SLC35F1: variants seen among roughly 807,000 people sequenced by gnomAD.
SLC35F1 encodes the protein chromosome 6 open reading frame 169.
SLC35F1 carries 14 observed loss-of-function variants against 48.7 expected under a neutral mutation model. The observed-to-expected ratio is 0.29, with a 90% CI of 0.19 to 0.45. The LOEUF (loss-of-function observed/expected upper bound fraction) is 0.45. Among genes scored for constraint, SLC35F1 ranks in the 20% least tolerant of loss-of-function variants. SLC35F1 has a pLI of 1.00. For synonymous variants in SLC35F1, 190 were observed against 202.2 expected, an observed-to-expected ratio of 0.94 and a Z score of 0.51; for missense variants, 404 against 500.0, an observed-to-expected ratio of 0.81 and a Z score of 1.83.
At chr6:118,268,674 A>C (rs1479032041) in intron 4 of SLC35F1, among the ~76,000 whole-genome samples, 1 of 135,550 alleles carries the variant, frequency 7.4e-6, no homozygotes. Flanking sequence ...CAGTGGCGTA[A>C]TTTCAGCTCA....
At chr6:118,187,622 C>T (rs1369417705) in intron 2 of SLC35F1, among the ~76,000 whole-genome samples, 1 of 152,164 alleles carries the variant, frequency 6.6e-6, no homozygotes, top group Non-Finnish European at 1.5e-5. Context: ...GATGAAATGA[C>T]TTTCTGAGAG....
At chr6:117,999,265 C>G in intron 1 of SLC35F1, 1 of 1,595,852 alleles carries the variant, frequency 6.3e-7, no homozygotes, top group Non-Finnish European at 8.5e-7. Context: ...ATCGACATGC[C>G]TACGTTGCCC....
At chr6:118,280,441 T>C (rs1407681188) in intron 6 of SLC35F1, among the ~76,000 whole-genome samples, 1 of 152,156 alleles carries the variant, frequency 6.6e-6, no homozygotes, top group African/African-American at 2.4e-5. Context: ...CCTTCTTCAC[T>C]TTTGATGTTG....
chr6:118,227,384 C>T (rs1488191970), intron 2 of SLC35F1, among the ~76,000 whole-genome samples: 1 of 152,172 alleles, frequency 6.6e-6, no homozygotes, highest in Non-Finnish European at 1.5e-5. Flanking sequence ...TAAATATGTA[C>T]TTAGTTTAAA....
chr6:118,293,342 T>A lies in SLC35F1; in HGVS notation c.1002+8004T>A, dbSNP rs189830522. Reference sequence around the variant, plus strand: ...CCATTTCCTTACCGTTTCCAGCTTCTAGAGGCCACCTGTATTTCTTGGCTC... The same window carrying A: ...CCATTTCCTTACCGTTTCCAGCTTCAAGAGGCCACCTGTATTTCTTGGCTC... On this transcript the variant is annotated intron_variant, in intron 7 of 7. Coordinates refer to ENST00000360388, the MANE Select transcript of SLC35F1 (RefSeq NM_001029858.4). Among the ~76,000 whole-genome samples the A allele has an allele frequency of 2.6e-5, 4 of 152,302 alleles. No homozygotes were observed. The East Asian group carries it at 7.7e-4, about 29-fold the overall frequency.
At chr6:117,989,310 T>G (rs1049375977) in intron 1 of SLC35F1, among the ~76,000 whole-genome samples, 6 of 152,210 alleles carry the variant, frequency 3.9e-5, no homozygotes, top group Non-Finnish European at 8.8e-5. Flanking sequence ...TGGGAAACCA[T>G]CTCTGTACTG....
intron 1 of SLC35F1, among the ~76,000 whole-genome samples, chr6:118,000,348 C>T (rs1234497472): frequency 1.3e-5 from 2 of 151,906 alleles, no homozygotes; most frequent in East Asian, 3.9e-4. Flanking sequence ...AAGACAAAAC[C>T]ACATGATTAT....
chr6:118,029,437 T>G (rs190702314), intron 1 of SLC35F1, among the ~76,000 whole-genome samples: 1 of 152,316 alleles, frequency 6.6e-6, no homozygotes, highest in East Asian at 1.9e-4. Context: ...AGAATTGTTC[T>G]ATTTTATTAT....
chr6:118,009,118 C>T (rs557783968), intron 1 of SLC35F1, among the ~76,000 whole-genome samples: 3 of 152,164 alleles, frequency 2.0e-5, no homozygotes, highest in African/African-American at 7.2e-5. Context: ...TTTGGTGTGT[C>T]GAATTATTCA....
chr6:118,076,720 T>C (rs1187443209), intron 1 of SLC35F1, among the ~76,000 whole-genome samples: 1 of 152,194 alleles, frequency 6.6e-6, no homozygotes, highest in Non-Finnish European at 1.5e-5. Context: ...CCGTTATCAG[T>C]TGGTTAAATA....
rs138424101 is a variant in SLC35F1 at position 118,273,800 on chromosome 6, G to T, written c.638-1659G>T. 2.4e-4 allele frequency among the ~76,000 whole-genome samples: 37 copies of T among 152,222 alleles called. No individual in the cohort carries two copies. The East Asian group carries it at 4.7e-3, about 19-fold the overall frequency. On this transcript the variant is annotated intron_variant, in intron 4 of 7. Transcript: ENST00000360388. ...GCCTAACTCCCCATGAACCCAAAGA[G>T]AACTTCCAGCTCTCACAAAATCCCA... is the stretch of plus-strand genomic sequence containing the variant.
At chr6:118,245,114 G>T (rs1052617811) in intron 3 of SLC35F1, among the ~76,000 whole-genome samples, 3 of 152,160 alleles carry the variant, frequency 2.0e-5, no homozygotes, top group South Asian at 2.1e-4. Context: ...ATGGATGCAG[G>T]TTCATTCATG....
chr6:117,924,523 TGTC>T (rs1776003246), intron 1 of SLC35F1, among the ~76,000 whole-genome samples: 6 of 143,912 alleles, frequency 4.2e-5, no homozygotes, highest in African/African-American at 5.1e-5. Context: ...CATATATATA[TGTC>T]AAGTTCCATT....
intron 1 of SLC35F1, among the ~76,000 whole-genome samples, chr6:117,928,628 A>C (rs1243617688): frequency 1.3e-5 from 2 of 152,332 alleles, no homozygotes; most frequent in Non-Finnish European, 2.9e-5. Context: ...AGTTGATAAC[A>C]CATATAAGCC....
At chr6:117,918,795 T>C (rs73517520) in intron 1 of SLC35F1, among the ~76,000 whole-genome samples, 6,029 of 152,070 alleles carry the variant, frequency 0.04, 418 homozygotes, top group African/African-American at 0.14. Flanking sequence ...ATGAGGATAG[T>C]GGGGCAGTGC....
chr6:118,149,351 CAG>C (rs1774021122), intron 1 of SLC35F1, among the ~76,000 whole-genome samples: 1 of 152,102 alleles, frequency 6.6e-6, no homozygotes, highest in Admixed American at 6.5e-5. Context: ...GATCCTAAGG[CAG>C]AGAGAGCAGG....
chr6:117,941,247 A>G (rs1385676881), intron 1 of SLC35F1, among the ~76,000 whole-genome samples: 1 of 152,216 alleles, frequency 6.6e-6, no homozygotes, highest in Non-Finnish European at 1.5e-5. Context: ...TCTTGAGAAA[A>G]ACCTGTATTT....
At chr6:118,217,689 A>G (rs999546160) in intron 2 of SLC35F1, among the ~76,000 whole-genome samples, 1 of 152,184 alleles carries the variant, frequency 6.6e-6, no homozygotes, top group Non-Finnish European at 1.5e-5. Context: ...TAATTGCCTC[A>G]CCTAATTCAA....
At chr6:118,072,382 G>A (rs1328943719) in intron 1 of SLC35F1, among the ~76,000 whole-genome samples, 1 of 152,014 alleles carries the variant, frequency 6.6e-6, no homozygotes, top group Non-Finnish European at 1.5e-5. Flanking sequence ...GGCTAACATG[G>A]TGAAACCCCA....
Sources: allele counts gnomAD v4.1 joint callset (sites outside exome capture counted in the v4.1 genomes callset), GRCh38; gene constraint gnomAD v4.1.1; transcripts MANE v1.5; gene names NCBI Gene and HGNC (gene_info 2026-07-23, HGNC 2026-07-21).